XNDC1N: variants seen among roughly 807,000 people sequenced by gnomAD.
The protein encoded by XNDC1N is XRCC1 N-terminal domain containing 1, N-terminal like.
chr11:71,887,445 A>C, the XNDC1N span, among the ~76,000 whole-genome samples: 6 of 152,100 alleles, frequency 3.9e-5, no homozygotes, highest in Non-Finnish European at 7.4e-5. Context: ...TCATTATGAC[A>C]CTTGTGGTCC....
chr11:71,927,534 A>G, the XNDC1N span: 1 of 152,148 alleles, frequency 6.6e-6, no homozygotes, highest in East Asian at 1.9e-4. Context: ...GAAAAAAAAA[A>G]AGCACTCAGA....
the XNDC1N span, chr11:71,918,772 T>C: frequency 1.6e-6 from 1 of 630,476 alleles, no homozygotes; most frequent in East Asian, 2.7e-5. Context: ...AGGTAAAACT[T>C]ATTCCATAAA....
At chr11:71,901,621 A>G in the XNDC1N span, among the ~76,000 whole-genome samples, 1 of 151,528 alleles carries the variant, frequency 6.6e-6, no homozygotes, top group Non-Finnish European at 1.5e-5. Context: ...ACAAAAACAA[A>G]AAACAAAAAA....
the XNDC1N span, chr11:71,893,475 G>A: frequency 6.8e-6 from 5 of 737,780 alleles, no homozygotes; most frequent in East Asian, 7.7e-5. Context: ...CAGAGCCACG[G>A]AATCTCACAA....
the XNDC1N span, among the ~76,000 whole-genome samples, chr11:71,909,175 T>A: frequency 6.6e-6 from 1 of 152,184 alleles, no homozygotes; most frequent in Non-Finnish European, 1.5e-5. Context: ...CAGGCTGGGC[T>A]TGCAGGGATG....
chr11:71,922,299 T>TGTTA, the XNDC1N span, among the ~76,000 whole-genome samples: 1 of 152,036 alleles, frequency 6.6e-6, no homozygotes, highest in Admixed American at 6.6e-5. Flanking sequence ...TTTTTTTGTT[T>TGTTA]GTTTGTTTGT....
the XNDC1N span, among the ~76,000 whole-genome samples, chr11:71,899,969 G>A: frequency 6.6e-6 from 1 of 152,222 alleles, no homozygotes; most frequent in Non-Finnish European, 1.5e-5. Context: ...CCTATGGTGG[G>A]AGGCGAGACA....
the XNDC1N span, among the ~76,000 whole-genome samples, chr11:71,926,644 T>A: frequency 2.6e-5 from 4 of 152,228 alleles, no homozygotes; most frequent in African/African-American, 9.6e-5. Flanking sequence ...CTCACACCTG[T>A]AATCCCAGCA....
chr11:71,884,918 A>G, the XNDC1N span, among the ~76,000 whole-genome samples: 4,237 of 121,462 alleles, frequency 0.035, 74 homozygotes, highest in Middle Eastern at 0.11. Flanking sequence ...TGCCCCTCTG[A>G]CTCTTAGGAC....
chr11:71,908,227 GTT>G, the XNDC1N span, among the ~76,000 whole-genome samples: 5 of 148,876 alleles, frequency 3.4e-5, no homozygotes, highest in African/African-American at 1.3e-4. Flanking sequence ...CTAATAAAAA[GTT>G]TTCAGATTAT....
At chr11:71,892,662 C>G in the XNDC1N span, among the ~76,000 whole-genome samples, 9 of 151,760 alleles carry the variant, frequency 5.9e-5, no homozygotes, top group Non-Finnish European at 1.0e-4. Context: ...GCTAGGGTTA[C>G]CAGCCACCAT....
At chr11:71,905,947 G>A in the XNDC1N span, among the ~76,000 whole-genome samples, 2 of 152,002 alleles carry the variant, frequency 1.3e-5, no homozygotes, top group East Asian at 3.8e-4. Context: ...CACCACCTGT[G>A]ACATTAGGAG....
the XNDC1N span, among the ~76,000 whole-genome samples, chr11:71,925,042 G>C: frequency 2.0e-5 from 3 of 151,424 alleles, no homozygotes; most frequent in Non-Finnish European, 4.4e-5. Flanking sequence ...TCATGCCATT[G>C]CCTCTGCTTG....
the XNDC1N span, among the ~76,000 whole-genome samples, chr11:71,867,800 G>C: frequency 6.6e-6 from 1 of 152,080 alleles, no homozygotes; most frequent in Admixed American, 6.5e-5. Context: ...TGTCTTTTAG[G>C]TCCATTTGGT....
chr11:71,913,383 G>T, the XNDC1N span, among the ~76,000 whole-genome samples: 1 of 152,026 alleles, frequency 6.6e-6, no homozygotes, highest in Non-Finnish European at 1.5e-5. Flanking sequence ...AGACTAACAA[G>T]GTCACGGGGG....
the XNDC1N span, among the ~76,000 whole-genome samples, chr11:71,896,193 C>T: frequency 6.6e-5 from 10 of 152,306 alleles, no homozygotes; most frequent in African/African-American, 2.2e-4. Flanking sequence ...GCCCAAGAAG[C>T]GCTTGAACTC....
the XNDC1N span, among the ~76,000 whole-genome samples, chr11:71,924,387 A>AG: frequency 6.6e-6 from 1 of 152,036 alleles, no homozygotes; most frequent in East Asian, 1.9e-4. Flanking sequence ...TCTAAAAAAA[A>AG]AAAGTTCTGG....
At chr11:71,916,111 A>C in the XNDC1N span, 1 of 702,912 alleles carries the variant, frequency 1.4e-6, no homozygotes, top group Non-Finnish European at 2.6e-6. Flanking sequence ...TGAGGGACCC[A>C]CCACAGAGTC....
chr11:71,878,523 C>A, the XNDC1N span: 4 of 1,607,334 alleles, frequency 2.5e-6, no homozygotes, highest in Non-Finnish European at 3.4e-6. Flanking sequence ...AAGGCAGAAA[C>A]TTTTTTATTC....
Sources: gnomAD v4.1 joint callset for allele counts (sites outside exome capture counted in the v4.1 genomes callset) on GRCh38, gnomAD v4.1.1 for gene constraint, MANE v1.5 for transcripts, NCBI Gene and HGNC (gene_info 2026-07-23, HGNC 2026-07-21) for gene names.